ANKS6: variants seen among roughly 807,000 people sequenced by gnomAD.
ANKS6 encodes ankyrin repeat and sterile alpha motif domain containing 6, also known as ankyrin repeat and SAM domain-containing protein 6.
A neutral mutation model predicts 77.9 loss-of-function variants in ANKS6; 47 were observed. That is an observed-to-expected ratio of 0.60 (90% confidence interval 0.48 to 0.77). The LOEUF (loss-of-function observed/expected upper bound fraction) is 0.77, where lower values mean the gene tolerates loss of function less well. Among genes scored for constraint, ANKS6 ranks in the 30% least tolerant of loss-of-function variants. The pLI is 0.00. For missense variants in ANKS6, 1,150 were observed against 1,159.1 expected (o/e 0.99, Z 0.11); for synonymous variants, 488 against 501.7 (o/e 0.97, Z 0.37).
intron 7 of ANKS6, among the ~76,000 whole-genome samples, chr9:98,777,951 G>C (rs996908260): frequency 3.3e-5 from 5 of 152,122 alleles, no homozygotes; most frequent in African/African-American, 4.8e-5. Flanking sequence ...CCTATCAAAG[G>C]CAAGAGAGAG....
At chr9:98,795,136 C>G (rs752043128) in intron 1 of ANKS6, among the ~76,000 whole-genome samples, 6 of 152,134 alleles carry the variant, frequency 3.9e-5, no homozygotes, top group Admixed American at 6.5e-5. Context: ...GTCGTCAACT[C>G]CTGCTGATCT....
intron 11 of ANKS6, among the ~76,000 whole-genome samples, chr9:98,765,833 A>G (rs1833251657): frequency 6.6e-6 from 1 of 152,202 alleles, no homozygotes; most frequent in Non-Finnish European, 1.5e-5. Context: ...AGTTATTTTA[A>G]GCAAAGTACA....
At chr9:98,767,692 G>A (rs1301028782) in intron 11 of ANKS6, among the ~76,000 whole-genome samples, 2 of 152,232 alleles carry the variant, frequency 1.3e-5, no homozygotes, top group Non-Finnish European at 2.9e-5. Context: ...CCTGTGCCAG[G>A]CCCTGTTCTA....
At chr9:98,760,590 T>C (rs1051937017) in intron 11 of ANKS6, among the ~76,000 whole-genome samples, 1 of 152,226 alleles carries the variant, frequency 6.6e-6, no homozygotes, top group Non-Finnish European at 1.5e-5. Context: ...TTCACTGTTA[T>C]CACATATCCC....
At chr9:98,740,865 G>T (rs1055462697) in intron 14 of ANKS6, among the ~76,000 whole-genome samples, 2 of 152,126 alleles carry the variant, frequency 1.3e-5, no homozygotes, top group African/African-American at 4.8e-5. Context: ...ATTAAAACAA[G>T]GTACCTTTTT....
chr9:98,796,150 C>G lies in ANKS6; in HGVS notation c.342G>C (p.Ala114=). The G allele has an allele frequency of 7.2e-7, 1 of 1,394,116 alleles. No homozygotes were observed. The highest frequency in any genetic ancestry group is 9.3e-7 in the Non-Finnish European group (1 of 1,073,292). The allele number at this position is 1,394,116 out of a possible 1,614,324, so 86.4% of individuals were successfully genotyped here. The change falls in exon 1 of 15, where the codon GCG becomes GCC. Residue 114 remains alanine (A), a synonymous_variant. Coordinates refer to ENST00000353234, the MANE Select transcript of ANKS6 (RefSeq NM_173551.5). ...VNSRNHYGWS[A]LMQAARFGHV... is the part of the protein sequence containing the mutation. ...CGCCTCACCTGGCCGCCTGCATGAG[C>G]GCGCTCCAGCCGTAGTGGTTGCGGC... is the stretch of plus-strand genomic sequence containing the variant.
intron 12 of ANKS6, among the ~76,000 whole-genome samples, chr9:98,754,417 G>A (rs532828383): frequency 9.2e-5 from 14 of 152,222 alleles, no homozygotes; most frequent in South Asian, 2.1e-4. Flanking sequence ...CGAGGCGGGC[G>A]GATCACGAGG....
Position 98,791,255 on chromosome 9 carries a change from C to T in ANKS6, c.360-649G>A, listed in dbSNP as rs1834887109. Among the ~76,000 whole-genome samples, 1 of 152,210 alleles carries T rather than the reference C, an allele frequency of 6.6e-6. No homozygotes were observed. Among genetic ancestry groups the T allele is most frequent in the Non-Finnish European group, 1.5e-5 (1 of 68,038 alleles). On this transcript the variant is annotated intron_variant, in intron 1 of 14. Transcript: ENST00000353234. The surrounding 1 kb of genome is among the most constrained non-coding windows in gnomAD (Gnocchi z 4.3). ...TGATTCATTTCTACCCTCCCCATCC[C>T]CAAAAGCACACACCCCATGCCAAGA...
intron 2 of ANKS6, 46 bp from the exon 3 acceptor site, chr9:98,784,922 A>G (rs1235679179): frequency 2.6e-6 from 4 of 1,568,360 alleles, no homozygotes; most frequent in Admixed American, 1.7e-5. Context: ...AAGGTTTAAT[A>G]TAACAGAAAA....
intron 6 of ANKS6, among the ~76,000 whole-genome samples, chr9:98,779,647 C>G (rs571980193): frequency 5.3e-5 from 8 of 152,094 alleles, no homozygotes; most frequent in East Asian, 3.9e-4. Flanking sequence ...ACTGCAACCA[C>G]AGCCTACCAG....
At chr9:98,770,355 G>A (rs182273418) in intron 10 of ANKS6, among the ~76,000 whole-genome samples, 35 of 152,210 alleles carry the variant, frequency 2.3e-4, no homozygotes, top group South Asian at 1.0e-3. Context: ...TATTAGCAGC[G>A]TGAGAACAGA....
At chr9:98,760,113 A>G (rs574563309) in intron 11 of ANKS6, among the ~76,000 whole-genome samples, 1 of 152,138 alleles carries the variant, frequency 6.6e-6, no homozygotes. Context: ...ATTATGTGTC[A>G]ATGAAAAAAA....
intron 6 of ANKS6, among the ~76,000 whole-genome samples, chr9:98,778,785 A>C (rs980533625): frequency 1.3e-5 from 2 of 152,242 alleles, no homozygotes; most frequent in African/African-American, 4.8e-5. Flanking sequence ...AGATGGACAC[A>C]GAGGCAGCTC....
At position 98,778,399 on chromosome 9, in the gene ANKS6, C is replaced by T. The variant is rs372069996; in HGVS notation, c.1394G>A (p.Arg465Gln). Residue 465 changes from arginine to glutamine, a missense_variant, in exon 7 of 15, where the codon CGG becomes CAG. Arg to Gln is a conservative substitution (Grantham distance 43). Coordinates refer to ENST00000353234, the MANE Select transcript of ANKS6 (RefSeq NM_173551.5). ...LKSWWNRMSNRFRKLKLMQTL... is the reference protein window; with the variant it reads ...LKSWWNRMSNQFRKLKLMQTL... ...CTGCATCAGTTTGAGCTTTCGGAAC[C>T]GATTGGACATTCGGTTCCACCAGGA... 14 of 1,613,870 alleles carry T rather than the reference C, an allele frequency of 8.7e-6. No individual in the cohort carries two copies. Among genetic ancestry groups the T allele is most frequent in the Admixed American group, 1.7e-5 (1 of 59,994 alleles).
rs369004560 is a variant in ANKS6, at chr9:98,784,781, A to C, written c.907+51T>G. The stretch of plus-strand genomic sequence containing the variant: ...AGGACTACAAATATTAGGTTGGGAG[A>C]ATGTAGCCCTATATTCTTAAATATC... On this transcript the variant is annotated intron_variant, in intron 3 of 14. Coordinates refer to ENST00000353234, the MANE Select transcript of ANKS6 (RefSeq NM_173551.5). 466 of 1,506,180 alleles carry C rather than the reference A, an allele frequency of 3.1e-4. No homozygotes were observed. In the African/African-American group the frequency reaches 6.0e-3, roughly 19 times the overall value. 93.3% of individuals were successfully genotyped at this position (1,506,180 alleles called of 1,614,324 possible). A position where few individuals can be genotyped will look rare whatever the true frequency, so the allele number is the denominator to read the frequency against.
chr9:98,740,777 G>C (rs920686830), intron 14 of ANKS6, among the ~76,000 whole-genome samples: 1 of 151,976 alleles, frequency 6.6e-6, no homozygotes, highest in African/African-American at 2.4e-5. Flanking sequence ...GGACCTGCCT[G>C]ATAATTCTCA....
At chr9:98,793,122 A>G (rs1397184650) in intron 1 of ANKS6, among the ~76,000 whole-genome samples, 4 of 152,220 alleles carry the variant, frequency 2.6e-5, no homozygotes, top group Non-Finnish European at 5.9e-5. Context: ...CTGGGCTGAG[A>G]GTCCAGCTCT....
At position 98,735,733 on chromosome 9, in the gene ANKS6, A is replaced by G; in HGVS notation, c.*786T>C. ...GAAAGCTAGGAAGAAGAAGGGATCC[A>G]CACAGCAGGCCTCCACTTCTTTCCT... On this transcript the variant is annotated 3_prime_UTR_variant, in exon 15 of 15. Coordinates refer to ENST00000353234, the MANE Select transcript of ANKS6 (RefSeq NM_173551.5). 1 of 1,231,780 alleles carries G rather than the reference A, an allele frequency of 8.1e-7. No homozygotes were observed. The highest frequency in any genetic ancestry group is 1.0e-6 in the Non-Finnish European group (1 of 987,986). 76.3% of individuals were successfully genotyped at this position (1,231,780 alleles called of 1,614,324 possible). A position where few individuals can be genotyped will look rare whatever the true frequency, so the allele number is the denominator to read the frequency against.
intron 13 of ANKS6, among the ~76,000 whole-genome samples, chr9:98,750,741 C>G (rs1035291162): frequency 2.6e-5 from 4 of 152,164 alleles, no homozygotes; most frequent in African/African-American, 9.7e-5. Flanking sequence ...GCCTATAAGT[C>G]TGCCAGTCAA....
Sources: gnomAD v4.1 joint callset for allele counts (sites outside exome capture counted in the v4.1 genomes callset) on GRCh38, gnomAD v4.1.1 for gene constraint, Gnocchi (gnomAD v3.1) non-coding constraint, MANE v1.5 for transcripts, NCBI Gene and HGNC (gene_info 2026-07-23, HGNC 2026-07-21) for gene names.